SCAF11: variants seen among roughly 807,000 people sequenced by gnomAD.
SCAF11 encodes protein SCAF11.
SCAF11 carries 47 observed loss-of-function variants against 140.5 expected under a neutral mutation model. The ratio of observed to expected loss-of-function variants is 0.33; its 90% CI spans 0.26 to 0.43. The LOEUF is 0.43. Ranked by LOEUF, SCAF11 falls within the 20% of genes least tolerant of loss-of-function variation. The probability of loss-of-function intolerance (pLI) is 1.00; values close to 1 mark genes in which losing one functional copy is unlikely to be tolerated. For synonymous variants in SCAF11, 557 were observed against 579.4 expected (o/e 0.96, Z 0.55); for missense variants, 1,645 against 1,705.1 (o/e 0.96, Z 0.62).
intron 3 of SCAF11, among the ~76,000 whole-genome samples, chr12:45,958,528 T>C (rs1369222884): frequency 2.0e-5 from 3 of 152,232 alleles, no homozygotes; most frequent in African/African-American, 7.2e-5. Flanking sequence ...TTAACAAAAA[T>C]TTCAGCCTTC....
chr12:45,945,536 C>CTTT (rs36058160), intron 5 of SCAF11, among the ~76,000 whole-genome samples: 7 of 122,048 alleles, frequency 5.7e-5, no homozygotes, highest in East Asian at 2.3e-4. Context: ...TTATCTCAGT[C>CTTT]TTTTTTTTTT....
chr12:45,972,873 TATATATAG>T (rs1946113383), intron 1 of SCAF11, among the ~76,000 whole-genome samples: 2 of 44,900 alleles, frequency 4.5e-5, no homozygotes, highest in East Asian at 2.9e-3. Flanking sequence ...TCGATATATA[TATATATAG>T]ATATATATAT....
chr12:45,951,801 T>A (rs761021254), intron 3 of SCAF11, 74 bp from the exon 4 acceptor site: 1 of 958,772 alleles, frequency 1.0e-6, no homozygotes, highest in Non-Finnish European at 1.6e-6. Flanking sequence ...ATTATAAATT[T>A]TCCATAAAAT....
At chr12:45,949,410 A>T (rs537388581) in intron 4 of SCAF11, among the ~76,000 whole-genome samples, 1 of 152,190 alleles carries the variant, frequency 6.6e-6, no homozygotes, top group African/African-American at 2.4e-5. Context: ...CTAATACATT[A>T]GATATATTGG....
chr12:45,919,772 T>C lies in SCAF11; in HGVS notation c.*2276A>G, dbSNP rs894709741. 4.6e-5 allele frequency: 7 copies of C among 152,216 alleles called. No individual in the cohort carries two copies. The highest frequency in any genetic ancestry group is 1.7e-4 in the African/African-American group (7 of 41,458). The allele number at this position is 152,216 out of a possible 1,614,324, so 9.4% of individuals were successfully genotyped here. A position where few individuals can be genotyped will look rare whatever the true frequency, so the allele number is the denominator to read the frequency against. ...TTGTTACTGTCACGGAAATAATTCA[T>C]GGGAGTGCTACTAAAGATATATGAG... On this transcript the variant is annotated 3_prime_UTR_variant, in exon 15 of 15. Coordinates refer to ENST00000369367, the MANE Select transcript of SCAF11 (RefSeq NM_004719.3).
At chr12:45,944,230 A>T (rs1251269186) in intron 6 of SCAF11, among the ~76,000 whole-genome samples, 1 of 152,222 alleles carries the variant, frequency 6.6e-6, no homozygotes, top group Non-Finnish European at 1.5e-5. Context: ...GCAATGACAT[A>T]GAAAAGCAAA....
intron 1 of SCAF11, among the ~76,000 whole-genome samples, chr12:45,988,817 G>A (rs997754304): frequency 1.3e-5 from 2 of 152,164 alleles, no homozygotes; most frequent in Non-Finnish European, 2.9e-5. Flanking sequence ...AAAACTGAAT[G>A]ACTGTTAAAA....
At chr12:45,924,471 A>G (rs1944797477) in intron 12 of SCAF11, among the ~76,000 whole-genome samples, 1 of 152,192 alleles carries the variant, frequency 6.6e-6, no homozygotes, top group African/African-American at 2.4e-5. Context: ...AATATGAATA[A>G]AAAAATCCTG....
intron 9 of SCAF11, among the ~76,000 whole-genome samples, chr12:45,932,558 A>C (rs1423657521): frequency 6.6e-6 from 1 of 152,132 alleles, no homozygotes; most frequent in African/African-American, 2.4e-5. Flanking sequence ...TAAAGTCATA[A>C]TATGTTATAG....
intron 1 of SCAF11, among the ~76,000 whole-genome samples, chr12:45,982,415 C>A (rs1181518176): frequency 6.6e-6 from 1 of 152,054 alleles, no homozygotes; most frequent in Non-Finnish European, 1.5e-5. Flanking sequence ...ATTAAAAAAT[C>A]ACCTATCGGG....
At chr12:45,963,537 A>G (rs1449460134) in intron 2 of SCAF11, among the ~76,000 whole-genome samples, 3 of 152,180 alleles carry the variant, frequency 2.0e-5, no homozygotes, top group South Asian at 4.1e-4. Flanking sequence ...AATAGATTAA[A>G]AAAATTCAGA....
chr12:45,990,648 C>T, upstream of SCAF11: 1 of 1,146,308 alleles, frequency 8.7e-7, no homozygotes. Context: ...TCCCTTCCCT[C>T]GCTGTCGGCG....
At chr12:45,937,995 A>G (rs1255237538) in intron 6 of SCAF11, among the ~76,000 whole-genome samples, 2 of 152,098 alleles carry the variant, frequency 1.3e-5, no homozygotes, top group East Asian at 1.9e-4. Context: ...TCCAAACTCA[A>G]CTTGCTAAGG....
chr12:45,961,031 G>A lies in SCAF11; in HGVS notation c.219+669C>T, dbSNP rs145879376. The A allele has an allele frequency of 6.6e-5, 20 of 302,446 alleles. No homozygotes were observed. In the East Asian group the frequency reaches 1.0e-3, roughly 15 times the overall value. The allele number at this position is 302,446 out of a possible 1,614,324, so 18.7% of individuals were successfully genotyped here. On this transcript the variant is annotated intron_variant, in intron 3 of 14. Transcript: ENST00000369367. ...TACTTCAAAGTATTTGGCCCAAATT[G>A]AGTCAACATAATACATTAAAAGTCA...
Position 45,927,356 on chromosome 12 carries a change from T to G in SCAF11, c.2345A>C (p.Asp782Ala), listed in dbSNP as rs766098142. Residue 782 changes from aspartate (D) to alanine (A), a missense_variant, in exon 11 of 15, where the codon GAT becomes GCT. By Grantham distance (126) the Asp-to-Ala change is moderately radical. This residue lies in a region of SCAF11 where 1,582 missense variants were observed against 1,609.2 expected (regional missense o/e 0.98). Coordinates refer to ENST00000369367, the MANE Select transcript of SCAF11 (RefSeq NM_004719.3). The part of the protein sequence containing the change: ...QPSESPKDTI[D>A]KTKKPRTRRS... Reference sequence around the variant, plus strand: ...TCGAGTACGAGGCTTTTTGGTTTTATCTATGGTATCTTTTGGGCTTTCAGA... The same window carrying G: ...TCGAGTACGAGGCTTTTTGGTTTTAGCTATGGTATCTTTTGGGCTTTCAGA... 6.4e-5 allele frequency: 103 copies of G among 1,614,048 alleles called. No individual in the cohort carries two copies. The highest frequency in any genetic ancestry group is 8.6e-5 in the Non-Finnish European group (102 of 1,180,036).
Position 45,928,814 on chromosome 12 carries a change from TCC to T in SCAF11, c.885_886del (p.Glu296ArgfsTer30). On this transcript the variant is annotated frameshift_variant, in exon 11 of 15. Coordinates refer to ENST00000369367, the MANE Select transcript of SCAF11 (RefSeq NM_004719.3). LOFTEE classifies it high-confidence loss of function. ...TGTACCAGAAGTTTGCTTCTTTTCT[TCC>T]CCTTCTTGAGTATGTGCTAATGCAT... 1 of 1,612,644 alleles carries T rather than the reference TCC, an allele frequency of 6.2e-7. No homozygotes were observed. Among genetic ancestry groups the T allele is most frequent in the African/African-American group, 1.3e-5 (1 of 74,842 alleles).
At chr12:45,960,941 A>G (rs75373887) in intron 3 of SCAF11, 34 of 168,494 alleles carry the variant, frequency 2.0e-4, no homozygotes, top group Non-Finnish European at 2.9e-4. Flanking sequence ...AAAATATAGC[A>G]TAATATGAAC....
At chr12:45,950,407 AC>A (rs1470588241) in intron 4 of SCAF11, among the ~76,000 whole-genome samples, 1 of 152,208 alleles carries the variant, frequency 6.6e-6, no homozygotes, top group Non-Finnish European at 1.5e-5. Context: ...TTAAACTAGC[AC>A]TGTACCAAAC....
At chr12:45,989,394 T>C (rs947224687) in intron 1 of SCAF11, among the ~76,000 whole-genome samples, 2 of 152,218 alleles carry the variant, frequency 1.3e-5, no homozygotes, top group Admixed American at 6.5e-5. Flanking sequence ...AGGTCAGTGG[T>C]AGCATGTTAG....
Sources: gnomAD v4.1 joint callset for allele counts (sites outside exome capture counted in the v4.1 genomes callset) on GRCh38, gnomAD v4.1.1 for gene constraint, gnomAD v4.1.1 regional missense constraint, MANE v1.5 for transcripts, NCBI Gene and HGNC (gene_info 2026-07-23, HGNC 2026-07-21) for gene names.